The following KLHL8 variants were observed in gnomAD, a reference collection of about 807,000 sequenced individuals.
The protein encoded by KLHL8 is kelch like family member 8.
Under a neutral mutation model 63.5 loss-of-function variants are expected in KLHL8, and 38 were observed. The observed-to-expected ratio is 0.60, with a 90% CI of 0.46 to 0.78. The LOEUF (loss-of-function observed/expected upper bound fraction) is 0.78, where lower values mean the gene tolerates loss of function less well. KLHL8 is among the 30% of genes least tolerant of loss of function. The probability of loss-of-function intolerance (pLI) is 0.00; values close to 1 mark genes in which losing one functional copy is unlikely to be tolerated. For missense variants in KLHL8, 566 were observed against 752.4 expected (o/e 0.75, Z 2.90); for synonymous variants, 224 against 254.3 (o/e 0.88, Z 1.13).
chr4:87,179,612 C>CA (rs145010928), intron 4 of KLHL8, among the ~76,000 whole-genome samples: 21 of 151,668 alleles, frequency 1.4e-4, no homozygotes, highest in Middle Eastern at 3.4e-3. Flanking sequence ...CCTATCTCTA[C>CA]AAAAAAAATT....
rs1314604590 is a variant in KLHL8 at position 87,203,523 on chromosome 4, T to G, written c.-151-7833A>C. 4.1e-5 allele frequency among the ~76,000 whole-genome samples: 6 copies of G among 146,412 alleles called. No individual in the cohort carries two copies. The East Asian group carries it at 1.2e-3, about 29-fold the overall frequency. On this transcript the variant is annotated intron_variant, in intron 1 of 9. Coordinates refer to ENST00000273963, the MANE Select transcript of KLHL8 (RefSeq NM_020803.5). ...CAGCCTGGGTGACAGAGCAAGACTC[T>G]GTCTCACAAAAGAAAAAAAAAAAAA...
chr4:87,165,961 AATT>A (rs1212089732), intron 8 of KLHL8, among the ~76,000 whole-genome samples: 1 of 108,684 alleles, frequency 9.2e-6, no homozygotes, highest in Non-Finnish European at 2.3e-5. Context: ...TGTCTATTCT[AATT>A]ATAAGGGTCC....
rs905721794 is a variant in KLHL8 at position 87,160,315 on chromosome 4, T to C, written c.*3204A>G. 6.6e-6 allele frequency: 1 copy of C among 152,124 alleles called. No homozygotes were observed. The highest frequency in any genetic ancestry group is 2.4e-5 in the African/African-American group (1 of 41,438). 9.4% of individuals were successfully genotyped at this position (152,124 alleles called of 1,614,324 possible). A position where few individuals can be genotyped will look rare whatever the true frequency, so the allele number is the denominator to read the frequency against. ...ATTTTACATGAAGGGGAAAGAGACA[T>C]AGCCAATGGCATCCCAGTAATAATT... is the stretch of plus-strand genomic sequence containing the variant. On this transcript the variant is annotated 3_prime_UTR_variant, in exon 10 of 10. Transcript: ENST00000273963.
chr4:87,226,714 AT>A (rs1732997144), intron 1 of KLHL8, among the ~76,000 whole-genome samples: 1 of 27,652 alleles, frequency 3.6e-5, no homozygotes, highest in Non-Finnish European at 5.9e-5. Flanking sequence ...TATAATATAT[AT>A]TATTTATATA....
At chr4:87,190,953 A>G (rs1731461433) in intron 2 of KLHL8, among the ~76,000 whole-genome samples, 1 of 152,218 alleles carries the variant, frequency 6.6e-6, no homozygotes, top group Non-Finnish European at 1.5e-5. Context: ...ATCATGAGTT[A>G]TAACAAATCA....
chr4:87,208,841 A>T (rs1260734898), intron 1 of KLHL8, among the ~76,000 whole-genome samples: 1 of 152,148 alleles, frequency 6.6e-6, no homozygotes, highest in African/African-American at 2.4e-5. Flanking sequence ...AAATGTTTTC[A>T]TTTGTCAGCG....
At chr4:87,212,017 C>T (rs951960320) in intron 1 of KLHL8, among the ~76,000 whole-genome samples, 3 of 151,482 alleles carry the variant, frequency 2.0e-5, no homozygotes, top group South Asian at 2.1e-4. Context: ...ACTGTCCTTA[C>T]GTATAGAAAA....
chr4:87,176,908 A>G (rs771727319), intron 5 of KLHL8, 40 bp from the exon 6 acceptor site: 10 of 956,788 alleles, frequency 1.0e-5, no homozygotes, highest in Non-Finnish European at 1.3e-5. Flanking sequence ...CTCCAAACAA[A>G]TAAATTCATA....
intron 1 of KLHL8, among the ~76,000 whole-genome samples, chr4:87,238,120 G>C (rs1439621956): frequency 2.0e-5 from 3 of 152,004 alleles, no homozygotes; most frequent in Admixed American, 2.0e-4. Flanking sequence ...ATTTTTAGTA[G>C]AGACAGGGTT....
chr4:87,162,728 T>G lies in KLHL8; in HGVS notation c.*791A>C, dbSNP rs1025407657. 2.6e-5 allele frequency: 4 copies of G among 152,220 alleles called. No individual in the cohort carries two copies. The highest frequency in any genetic ancestry group is 2.1e-4 in the South Asian group (1 of 4,834). The allele number at this position is 152,220 out of a possible 1,614,324, so 9.4% of individuals were successfully genotyped here. On this transcript the variant is annotated 3_prime_UTR_variant, in exon 10 of 10. Transcript: ENST00000273963. ...ATCATTCTTTCTCAAGGTCTCTCAATTGGGCACCAGAATAACATCAGATCT... is the reference window on the plus strand; with the variant it reads ...ATCATTCTTTCTCAAGGTCTCTCAAGTGGGCACCAGAATAACATCAGATCT...
At chr4:87,237,630 C>T (rs1438654117) in intron 1 of KLHL8, among the ~76,000 whole-genome samples, 1 of 152,096 alleles carries the variant, frequency 6.6e-6, no homozygotes, top group Non-Finnish European at 1.5e-5. Flanking sequence ...GAGTTAGAGA[C>T]CAGTTTGGCA....
chr4:87,164,035 C>T lies in KLHL8; in HGVS notation c.1582G>A (p.Asp528Asn). Residue 528 changes from aspartate (D) to asparagine (N), a missense_variant, in exon 9 of 10, where the codon GAC becomes AAC. Coordinates refer to ENST00000273963, the MANE Select transcript of KLHL8 (RefSeq NM_020803.5). Reference sequence around the variant, plus strand: ...TAATCCCACTTGTTGCTTCGGGGGTCATACCGCTCAACTGAACTCAGAGGA... The same window carrying T: ...TAATCCCACTTGTTGCTTCGGGGGTTATACCGCTCAACTGAACTCAGAGGA... ...NSPLSSVERYDPRSNKWDYVA... is the reference protein window; with the variant it reads ...NSPLSSVERYNPRSNKWDYVA... 6.2e-7 allele frequency: 1 copy of T among 1,614,158 alleles called. No individual in the cohort carries two copies. The highest frequency in any genetic ancestry group is 8.5e-7 in the Non-Finnish European group (1 of 1,180,012).
At chr4:87,211,679 C>A (rs1732411765) in intron 1 of KLHL8, among the ~76,000 whole-genome samples, 2 of 152,090 alleles carry the variant, frequency 1.3e-5, no homozygotes, top group South Asian at 4.2e-4. Context: ...GTGGTCCCAG[C>A]TACTTGAGCC....
intron 1 of KLHL8, among the ~76,000 whole-genome samples, chr4:87,210,480 C>CAAT (rs1014707017): frequency 2.6e-4 from 40 of 151,306 alleles, no homozygotes; most frequent in Middle Eastern, 3.4e-3. Context: ...GACTCCATCT[C>CAAT]AATAATAATA....
At chr4:87,206,104 C>T (rs552730649) in intron 1 of KLHL8, among the ~76,000 whole-genome samples, 1 of 152,298 alleles carries the variant, frequency 6.6e-6, no homozygotes, top group East Asian at 1.9e-4. Flanking sequence ...CTTTCACAAC[C>T]TATCCACTTC....
chr4:87,227,610 A>C lies in KLHL8; in HGVS notation n.58-6220T>G, dbSNP rs1010692812. 4.6e-5 allele frequency among the ~76,000 whole-genome samples: 7 copies of C among 152,078 alleles called. No homozygotes were observed. In the East Asian group the frequency reaches 1.4e-3, roughly 29 times the overall value. On this transcript the variant is annotated intron_variant and non_coding_transcript_variant, in intron 1 of 1. Transcript: ENST00000506274. ...GGTTGCAGTGAGCTATGATCATGCC[A>C]TGCAGTCCAGCTGGAGCAACAAATC...
chr4:87,167,639 G>A (rs761636234), intron 8 of KLHL8: 30 of 442,550 alleles, frequency 6.8e-5, no homozygotes, highest in Admixed American at 2.2e-4. Flanking sequence ...ATTCCTTCCC[G>A]TGTACAGAGG....
intron 1 of KLHL8, among the ~76,000 whole-genome samples, chr4:87,227,340 T>C (rs376155127): frequency 1.3e-5 from 2 of 152,038 alleles, no homozygotes; most frequent in Non-Finnish European, 2.9e-5. Flanking sequence ...TCTTGGACCA[T>C]AGAGTTATTT....
intron 1 of KLHL8, among the ~76,000 whole-genome samples, chr4:87,229,357 A>T (rs1733093766): frequency 3.3e-5 from 5 of 151,642 alleles, no homozygotes; most frequent in South Asian, 2.1e-4. Context: ...CCATTTACAC[A>T]TCAGCCCGAA....
Sources: allele counts gnomAD v4.1 joint callset (sites outside exome capture counted in the v4.1 genomes callset), GRCh38; gene constraint gnomAD v4.1.1; transcripts MANE v1.5; gene names NCBI Gene and HGNC (gene_info 2026-07-23, HGNC 2026-07-21).